Variants in ZC3H8 observed in about 807,000 individuals in gnomAD.
ZC3H8 encodes the protein zinc finger CCCH-type containing 8, also known as zinc finger CCCH domain-containing protein 8.
In ZC3H8, 27 loss-of-function variants were observed where a neutral mutation model predicts 42.5. That is an observed-to-expected ratio of 0.64 (90% confidence interval 0.47 to 0.88). ZC3H8 has a LOEUF of 0.88. ZC3H8 is among the 40% of genes least tolerant of loss of function. ZC3H8 has a pLI of 0.00. For synonymous variants in ZC3H8, 101 were observed against 110.1 expected (o/e 0.92, Z 0.52); for missense variants, 277 against 336.1 (o/e 0.82, Z 1.37).
intron 8 of ZC3H8, among the ~76,000 whole-genome samples, chr2:112,227,108 T>A (rs1197551512): frequency 6.6e-6 from 1 of 152,242 alleles, no homozygotes; most frequent in Admixed American, 6.5e-5. Context: ...AAAGACTGAA[T>A]GCTTCTGCCA....
At chr2:112,216,683 C>CAAAAAAAAAAAAAAAAAAAAAAAAAAA (rs71385865) in intron 8 of ZC3H8, among the ~76,000 whole-genome samples, 1 of 121,032 alleles carries the variant, frequency 8.3e-6, no homozygotes, top group African/African-American at 3.0e-5. Context: ...AGAACTGAAG[C>CAAAAAAAAAAAAAAAAAAAAAAAAAAA]AAAAAAAAAA....
chr2:112,248,239 C>A, intron 2 of ZC3H8, among the ~76,000 whole-genome samples: 1 of 151,698 alleles, frequency 6.6e-6, no homozygotes, highest in Non-Finnish European at 1.5e-5. Context: ...GGTGGGAAAA[C>A]TGCTCGAACC....
chr2:112,241,447 C>A lies in ZC3H8; in HGVS notation c.157-2919G>T, dbSNP rs184026131. Among the ~76,000 whole-genome samples the A allele has an allele frequency of 5.3e-3, 810 of 152,304 alleles. 7 individuals carry two copies. Among genetic ancestry groups the A allele is most frequent in the Admixed American group, 0.014 (216 of 15,300 alleles). ...CACCCTGCTGTCCAGAGACCCCCCC[C>A]TCAAGGGCCTATGGATTGAATTCAG... On this transcript the variant is annotated intron_variant, in intron 2 of 8. Coordinates refer to ENST00000409573, the MANE Select transcript of ZC3H8 (RefSeq NM_032494.3).
Position 112,238,422 on chromosome 2 carries a change from T to G in ZC3H8, c.263A>C (p.Asp88Ala). ...DNDICSQESEDNFAKELQQYI... is the reference protein window; with the variant it reads ...DNDICSQESEANFAKELQQYI... ...CTGTTGAAGCTCTTTGGCAAAATTA[T>G]CTTCTGATTCCTGACTGCAGATATC... The change falls in exon 3 of 9, where the codon GAT becomes GCT. Residue 88 changes from aspartate to alanine, a missense_variant. Coordinates refer to ENST00000409573, the MANE Select transcript of ZC3H8 (RefSeq NM_032494.3). 1 of 1,613,734 alleles carries G rather than the reference T, an allele frequency of 6.2e-7. No individual in the cohort carries two copies. Among genetic ancestry groups the G allele is most frequent in the Admixed American group, 1.7e-5 (1 of 60,032 alleles).
intron 2 of ZC3H8, among the ~76,000 whole-genome samples, chr2:112,246,663 GCTT>G (rs1398263080): frequency 6.6e-6 from 1 of 152,192 alleles, no homozygotes; most frequent in Non-Finnish European, 1.5e-5. Context: ...ATGAGGAGCT[GCTT>G]CTTACAAGTG....
At position 112,214,969 on chromosome 2, in the gene ZC3H8, C is replaced by T. The variant is rs1684270441; in HGVS notation, c.*1515G>A. On this transcript the variant is annotated 3_prime_UTR_variant, in exon 9 of 9. Transcript: ENST00000409573. ...TACTCTATTTGACTTCTGAGTCCCT[C>T]AAATCTCTGCGGTGTCTTTTAAGTT... is the stretch of plus-strand genomic sequence containing the variant. The T allele has an allele frequency of 1.3e-5, 2 of 152,128 alleles. No homozygotes were observed. The highest frequency in any genetic ancestry group is 2.9e-5 in the Non-Finnish European group (2 of 68,006). 9.4% of individuals were successfully genotyped at this position (152,128 alleles called of 1,614,324 possible). A position where few individuals can be genotyped will look rare whatever the true frequency, so the allele number is the denominator to read the frequency against.
At chr2:112,219,200 A>G (rs1470824780) in intron 8 of ZC3H8, among the ~76,000 whole-genome samples, 1 of 152,218 alleles carries the variant, frequency 6.6e-6, no homozygotes, top group Non-Finnish European at 1.5e-5. Context: ...ACAAAGTGAT[A>G]GTAATCAAAA....
Position 112,254,895 on chromosome 2 carries a change from G to C in ZC3H8, c.74+13C>G, listed in dbSNP as rs772258248. The C allele has an allele frequency of 5.0e-6, 8 of 1,613,024 alleles. No homozygotes were observed. The South Asian group carries it at 8.8e-5, about 18-fold the overall frequency. Reference sequence around the variant, plus strand: ...AGCCCCTGCATTCAAAAGATGAAAAGATATGGGATCACCTTTCGTCAGAGT... The same window carrying C: ...AGCCCCTGCATTCAAAAGATGAAAACATATGGGATCACCTTTCGTCAGAGT... On this transcript the variant is annotated intron_variant, in intron 1 of 8. Transcript: ENST00000409573.
intron 2 of ZC3H8, 91 bp downstream of exon 2, chr2:112,250,100 C>G: frequency 1.1e-6 from 1 of 914,466 alleles, no homozygotes. Flanking sequence ...ATATCCATTT[C>G]CATCTGTTTT....
chr2:112,218,056 C>T (rs555622085), intron 8 of ZC3H8, among the ~76,000 whole-genome samples: 82 of 152,308 alleles, frequency 5.4e-4, no homozygotes, highest in African/African-American at 1.7e-3. Context: ...ACCCAGCTCT[C>T]AGTTGTTCTT....
chr2:112,240,121 T>C (rs958311740), intron 2 of ZC3H8, among the ~76,000 whole-genome samples: 3 of 152,168 alleles, frequency 2.0e-5, no homozygotes, highest in Admixed American at 1.3e-4. Context: ...AAGAGTGCCT[T>C]TTCCCCATTA....
At position 112,238,905 on chromosome 2, in the gene ZC3H8, T is replaced by C. The variant is rs952470044; in HGVS notation, c.157-377A>G. On this transcript the variant is annotated intron_variant, in intron 2 of 8. Transcript: ENST00000409573. ...CACACATTACATTTCTGCCTTTGCA[T>C]TGACAGTACTTTTAAATGTCTTCAA... Among the ~76,000 whole-genome samples the C allele has an allele frequency of 4.6e-5, 7 of 152,238 alleles. No individual in the cohort carries two copies. In the East Asian group the frequency reaches 1.2e-3, roughly 25 times the overall value.
At chr2:112,239,837 G>A (rs1050080567) in intron 2 of ZC3H8, among the ~76,000 whole-genome samples, 3 of 152,046 alleles carry the variant, frequency 2.0e-5, no homozygotes, top group Non-Finnish European at 2.9e-5. Context: ...CGCCTGCCTC[G>A]GCCTCCCAAA....
At chr2:112,224,405 T>G (rs1344344709) in intron 8 of ZC3H8, among the ~76,000 whole-genome samples, 1 of 152,200 alleles carries the variant, frequency 6.6e-6, no homozygotes, top group African/African-American at 2.4e-5. Context: ...GAAGAGAATT[T>G]CATTAACTTG....
At chr2:112,222,929 A>G (rs1684652767) in intron 8 of ZC3H8, among the ~76,000 whole-genome samples, 1 of 152,246 alleles carries the variant, frequency 6.6e-6, no homozygotes. Context: ...AAGATGGTAA[A>G]TATTAGGTGT....
At chr2:112,254,264 A>G (rs1390793083) in intron 1 of ZC3H8, among the ~76,000 whole-genome samples, 1 of 152,224 alleles carries the variant, frequency 6.6e-6, no homozygotes, top group Non-Finnish European at 1.5e-5. Flanking sequence ...TCAAATCACT[A>G]GACACTGCTC....
rs566907972 is a variant in ZC3H8 at position 112,215,817 on chromosome 2, T to C, written c.*667A>G. The C allele has an allele frequency of 1.3e-5, 2 of 152,298 alleles. No individual in the cohort carries two copies. The highest frequency in any genetic ancestry group is 3.9e-4 in the East Asian group (2 of 5,184). 9.4% of individuals were successfully genotyped at this position (152,298 alleles called of 1,614,324 possible). A position where few individuals can be genotyped will look rare whatever the true frequency, so the allele number is the denominator to read the frequency against. ...ACAGTTTATAAACCAATGAGAAAGA[T>C]AAATATTCTTATATTTTAACAACAG... On this transcript the variant is annotated 3_prime_UTR_variant, in exon 9 of 9. Transcript: ENST00000409573.
chr2:112,231,025 C>T (rs1208510330), intron 7 of ZC3H8, 75 bp from the exon 8 acceptor site: 2 of 926,172 alleles, frequency 2.2e-6, no homozygotes, highest in Non-Finnish European at 2.9e-6. Flanking sequence ...ATATTCATAA[C>T]TTTCAAATGA....
intron 1 of ZC3H8, among the ~76,000 whole-genome samples, chr2:112,252,461 T>A (rs1490570920): frequency 1.3e-5 from 2 of 152,206 alleles, no homozygotes; most frequent in African/African-American, 4.8e-5. Flanking sequence ...CACCCCTACA[T>A]TCTACTCTCA....
Sources: allele counts gnomAD v4.1 joint callset (sites outside exome capture counted in the v4.1 genomes callset), GRCh38; gene constraint gnomAD v4.1.1; transcripts MANE v1.5; gene names NCBI Gene and HGNC (gene_info 2026-07-23, HGNC 2026-07-21).